MCMDC2: variants seen among roughly 807,000 people sequenced by gnomAD.
MCMDC2 encodes minichromosome maintenance domain-containing protein 2.
A neutral mutation model predicts 75.8 loss-of-function variants in MCMDC2; 54 were observed. The observed-to-expected ratio is 0.71, with a 90% CI of 0.57 to 0.89. The LOEUF is 0.89. Among genes scored for constraint, MCMDC2 ranks in the 40% least tolerant of loss-of-function variants. The probability of loss-of-function intolerance (pLI) is 0.00; values close to 1 mark genes in which losing one functional copy is unlikely to be tolerated. For missense variants in MCMDC2, 656 were observed against 780.4 expected (o/e 0.84, Z 1.90); for synonymous variants, 249 against 274.6 (o/e 0.91, Z 0.92).
downstream of MCMDC2, among the ~76,000 whole-genome samples, chr8:66,924,394 A>C (rs1012322323): frequency 2.6e-5 from 4 of 152,042 alleles, no homozygotes; most frequent in Non-Finnish European, 5.9e-5. Context: ...TGAGAGGCCT[A>C]GGCGGGTGGA....
chr8:66,882,950 A>C (rs1811661270), intron 8 of MCMDC2, among the ~76,000 whole-genome samples: 1 of 152,144 alleles, frequency 6.6e-6, no homozygotes, highest in Non-Finnish European at 1.5e-5. Context: ...CTCCAGAATG[A>C]GATGTATTTA....
chr8:66,917,693 C>A (rs1813375679), intron 14 of MCMDC2, among the ~76,000 whole-genome samples: 1 of 152,172 alleles, frequency 6.6e-6, no homozygotes, highest in African/African-American at 2.4e-5. Context: ...TTTCACTTAG[C>A]ATAATGTTCT....
chr8:66,873,528 G>A (rs1006569998), intron 1 of MCMDC2, among the ~76,000 whole-genome samples: 4 of 152,120 alleles, frequency 2.6e-5, no homozygotes, highest in African/African-American at 9.7e-5. Flanking sequence ...CCTCTGTTAA[G>A]AGACATTTGA....
Position 66,896,905 on chromosome 8 carries a change from T to G in MCMDC2, c.1572T>G (p.Pro524=). ...VQHTLNKAIN[P]EGLFYAASRQ... is the part of the protein sequence containing the mutation. ...ACACTTTGAACAAAGCCATTAATCC[T>G]GAAGGGCTGTTTTATGCGGCTTCTA... The change falls in exon 12 of 15, where the codon CCT becomes CCG. Residue 524 remains proline, a synonymous_variant. Coordinates refer to ENST00000422365, the MANE Select transcript of MCMDC2 (RefSeq NM_173518.5). 6.2e-7 allele frequency: 1 copy of G among 1,612,856 alleles called. No individual in the cohort carries two copies. The highest frequency in any genetic ancestry group is 8.5e-7 in the Non-Finnish European group (1 of 1,179,496).
intron 8 of MCMDC2, 86 bp downstream of exon 8, chr8:66,881,060 C>A: frequency 9.4e-7 from 1 of 1,064,312 alleles, no homozygotes; most frequent in Non-Finnish European, 1.2e-6. Flanking sequence ...TGCCTATGTG[C>A]TAGGCATTCC....
chr8:66,897,038 G>T (rs2130837133), intron 12 of MCMDC2, 79 bp downstream of exon 12: 2 of 1,299,622 alleles, frequency 1.5e-6, no homozygotes, highest in East Asian at 5.2e-5. Flanking sequence ...TTGAGTGCTG[G>T]ATTTTCTTTA....
At position 66,874,355 on chromosome 8, in the gene MCMDC2, T is replaced by C; in HGVS notation, c.124T>C (p.Phe42Leu). Reference sequence around the variant, plus strand: ...AAAACAAAGCTATGCTGTCTATCGATTCAAAATTTTAATAAATCCCTCTGA... The same window carrying C: ...AAAACAAAGCTATGCTGTCTATCGACTCAAAATTTTAATAAATCCCTCTGA... ...DSKQSYAVYR[F>L]KILINPSDVV... The change falls in exon 3 of 15, where the codon TTC becomes CTC. Residue 42 changes from phenylalanine to leucine, a missense_variant. Coordinates refer to ENST00000422365, the MANE Select transcript of MCMDC2 (RefSeq NM_173518.5). 1.2e-6 allele frequency: 2 copies of C among 1,612,862 alleles called. No individual in the cohort carries two copies. Among genetic ancestry groups the C allele is most frequent in the South Asian group, 2.2e-5 (2 of 90,512 alleles).
intron 12 of MCMDC2, among the ~76,000 whole-genome samples, chr8:66,898,085 AGGTTTT>A (rs1315262807): frequency 2.0e-5 from 3 of 152,076 alleles, no homozygotes; most frequent in Non-Finnish European, 2.9e-5. Context: ...TAATATAATA[AGGTTTT>A]GGTTTTGGTT....
At chr8:66,903,754 T>C (rs1047078783) in intron 13 of MCMDC2, among the ~76,000 whole-genome samples, 2 of 152,168 alleles carry the variant, frequency 1.3e-5, no homozygotes, top group African/African-American at 4.8e-5. Flanking sequence ...TCTAGAGAAG[T>C]GGAGCTGAAC....
In MCMDC2 at chr8:66,871,274, G is replaced by A. The variant is rs557183099; in HGVS notation, c.-89+443G>A. Among the ~76,000 whole-genome samples the A allele has an allele frequency of 2.0e-5, 3 of 152,090 alleles. No individual in the cohort carries two copies. In the South Asian group the frequency reaches 6.2e-4, roughly 32 times the overall value. ...GCCCCCTCCTGCTTACATCTATCAG[G>A]GAATCCCAAGAGTCCTCAAAGTCAG... is the stretch of plus-strand genomic sequence containing the variant. On this transcript the variant is annotated intron_variant, in intron 1 of 14. Transcript: ENST00000422365.
intron 14 of MCMDC2, 89 bp downstream of exon 14, chr8:66,905,424 AT>A: frequency 9.2e-7 from 1 of 1,085,500 alleles, no homozygotes; most frequent in Non-Finnish European, 1.2e-6. Flanking sequence ...TGTTACATAT[AT>A]TTTTAAAATA....
chr8:66,895,694 G>A (rs1812320312), intron 10 of MCMDC2, among the ~76,000 whole-genome samples: 3 of 152,058 alleles, frequency 2.0e-5, no homozygotes, highest in Admixed American at 2.0e-4. Context: ...GTTTTAAGTG[G>A]GAGGTGAGGG....
At chr8:66,917,113 TCTGA>T (rs1265455188) in intron 14 of MCMDC2, among the ~76,000 whole-genome samples, 2 of 152,174 alleles carry the variant, frequency 1.3e-5, no homozygotes, top group African/African-American at 2.4e-5. Flanking sequence ...CAAGCTAGGC[TCTGA>T]CTGTGTCTTG....
At chr8:66,918,432 C>G (rs750163877) in intron 14 of MCMDC2, among the ~76,000 whole-genome samples, 4 of 152,076 alleles carry the variant, frequency 2.6e-5, no homozygotes, top group Non-Finnish European at 5.9e-5. Context: ...GAAATCATGG[C>G]CAAATCCAAA....
chr8:66,907,057 C>T (rs1382922152), intron 14 of MCMDC2, among the ~76,000 whole-genome samples: 4 of 152,000 alleles, frequency 2.6e-5, no homozygotes, highest in Non-Finnish European at 5.9e-5. Flanking sequence ...CGTGAGCCAC[C>T]GTGTCCCACC....
chr8:66,878,467 G>T (rs2130796951), intron 5 of MCMDC2, 107 bp from the exon 6 acceptor site: 2 of 1,103,284 alleles, frequency 1.8e-6, no homozygotes, highest in Non-Finnish European at 2.5e-6. Context: ...AGTAATAAAA[G>T]AAAAAAGAAA....
chr8:66,885,922 A>G (rs1014937884), intron 9 of MCMDC2, among the ~76,000 whole-genome samples: 4 of 152,136 alleles, frequency 2.6e-5, no homozygotes, highest in East Asian at 3.8e-4. Context: ...AATTGATCCA[A>G]TTGTGTACAT....
intron 10 of MCMDC2, among the ~76,000 whole-genome samples, chr8:66,891,766 G>A (rs113593282): frequency 6.6e-6 from 1 of 152,294 alleles, no homozygotes; most frequent in African/African-American, 2.4e-5. Flanking sequence ...AGCAGCGAGG[G>A]GTGTGTGAGT....
chr8:66,916,178 T>C (rs192906933), intron 14 of MCMDC2, among the ~76,000 whole-genome samples: 85 of 151,880 alleles, frequency 5.6e-4, no homozygotes, highest in Middle Eastern at 3.4e-3. Context: ...TAAAATCATA[T>C]GATGTGCAGT....
Sources: allele counts gnomAD v4.1 joint callset (sites outside exome capture counted in the v4.1 genomes callset), GRCh38; gene constraint gnomAD v4.1.1; transcripts MANE v1.5; gene names NCBI Gene and HGNC (gene_info 2026-07-23, HGNC 2026-07-21).